The following TECTB variants were observed in gnomAD, a reference collection of about 807,000 sequenced individuals.
The protein encoded by TECTB is beta-tectorin.
Under a neutral mutation model 43.3 loss-of-function variants are expected in TECTB, and 45 were observed. The ratio of observed to expected loss-of-function variants is 1.04; its 90% CI spans 0.82 to 1.33. TECTB has a LOEUF of 1.33. Among genes scored for constraint, TECTB ranks in the 40% most tolerant of loss-of-function variants. TECTB has a pLI of 0.00. For missense variants in TECTB, 399 were observed against 404.7 expected (o/e 0.99, Z 0.12); for synonymous variants, 169 against 156.7 (o/e 1.08, Z -0.59).
At position 112,293,635 on chromosome 10, in the gene TECTB, G is replaced by A. The variant is rs952763181; in HGVS notation, c.484-103G>A. 16 of 965,588 alleles carry A rather than the reference G, an allele frequency of 1.7e-5. No homozygotes were observed. The African/African-American group carries it at 2.3e-4, about 14-fold the overall frequency. The allele number at this position is 965,588 out of a possible 1,614,324, so 59.8% of individuals were successfully genotyped here. A position where few individuals can be genotyped will look rare whatever the true frequency, so the allele number is the denominator to read the frequency against. On this transcript the variant is annotated intron_variant, in intron 5 of 10. Transcript: ENST00000646139. ...TATGGTCTCACCTGCTTATGTCTTTGGGTTGATTCTCATCCCCACCCCATC... is the reference window on the plus strand; with the variant it reads ...TATGGTCTCACCTGCTTATGTCTTTAGGTTGATTCTCATCCCCACCCCATC...
At chr10:112,294,460 C>T (rs1224485035) in intron 7 of TECTB, among the ~76,000 whole-genome samples, 1 of 152,088 alleles carries the variant, frequency 6.6e-6, no homozygotes, top group Non-Finnish European at 1.5e-5. Context: ...TCCAATTAGT[C>T]TGACAACAGA....
intron 9 of TECTB, among the ~76,000 whole-genome samples, chr10:112,301,841 G>T (rs374767411): frequency 2.9e-4 from 44 of 152,214 alleles, no homozygotes; most frequent in African/African-American, 1.0e-3. Context: ...CTCCTGAGTA[G>T]CTGGGATTAC....
chr10:112,291,822 G>C (rs1848501564), intron 5 of TECTB, among the ~76,000 whole-genome samples: 1 of 152,102 alleles, frequency 6.6e-6, no homozygotes. Flanking sequence ...GCCCTTCCAT[G>C]GTAATGCTTT....
At chr10:112,293,688 G>C in intron 5 of TECTB, 50 bp from the exon 6 acceptor site, 3 of 1,544,176 alleles carry the variant, frequency 1.9e-6, no homozygotes, top group Non-Finnish European at 2.7e-6. Flanking sequence ...GGTAGACCTA[G>C]CTGCTCAATC....
At chr10:112,289,937 A>G (rs1211367292) in intron 5 of TECTB, among the ~76,000 whole-genome samples, 2 of 151,956 alleles carry the variant, frequency 1.3e-5, no homozygotes, top group Admixed American at 1.3e-4. Context: ...AGGTGTACTC[A>G]TCCTTAACTT....
In TECTB at chr10:112,297,307, C is replaced by T. The variant is rs574941570; in HGVS notation, c.672-762C>T. Among the ~76,000 whole-genome samples the T allele has an allele frequency of 2.0e-5, 3 of 152,172 alleles. 1 individual carries two copies. Among genetic ancestry groups the T allele is most frequent in the Admixed American group, 1.3e-4 (2 of 15,276 alleles). ...CCCCTGGGGCACAAAGTGGACCAAGCGAGAACCACTAGCTTAAATAAATGC... is the reference window on the plus strand; with the variant it reads ...CCCCTGGGGCACAAAGTGGACCAAGTGAGAACCACTAGCTTAAATAAATGC... On this transcript the variant is annotated intron_variant, in intron 7 of 10. Coordinates refer to ENST00000646139, the MANE Select transcript of TECTB (RefSeq NM_058222.3).
At position 112,283,659 on chromosome 10, in the gene TECTB, C is replaced by T. The variant is rs79841654; in HGVS notation, c.-76C>T. ...TGTTTCTGACTTAGAATGATCGAGG[C>T]TCAGGCCCTGGAAGGACCGTAAACA... On this transcript the variant is annotated 5_prime_UTR_variant, in exon 2 of 11. Coordinates refer to ENST00000646139, the MANE Select transcript of TECTB (RefSeq NM_058222.3). 4,282 of 1,372,766 alleles carry T rather than the reference C, an allele frequency of 3.1e-3. 119 individuals are homozygous for T. The African/African-American group carries it at 0.053, about 17-fold the overall frequency. The allele number at this position is 1,372,766 out of a possible 1,614,324, so 85.0% of individuals were successfully genotyped here.
At chr10:112,291,489 C>T (rs1354739459) in intron 5 of TECTB, among the ~76,000 whole-genome samples, 18 of 152,284 alleles carry the variant, frequency 1.2e-4, no homozygotes. Flanking sequence ...ATGGAATCAA[C>T]CCAAATGCCC....
At chr10:112,285,516 C>T (rs934257908) in intron 3 of TECTB, among the ~76,000 whole-genome samples, 5 of 152,180 alleles carry the variant, frequency 3.3e-5, no homozygotes, top group Non-Finnish European at 5.9e-5. Context: ...TTGAGTATAT[C>T]CTGGTGAACT....
In TECTB at chr10:112,299,561, C is replaced by T. The variant is rs374612200; in HGVS notation, c.904C>T (p.Arg302Trp). The T allele has an allele frequency of 8.3e-5, 131 of 1,584,348 alleles. No homozygotes were observed. The highest frequency in any genetic ancestry group is 1.7e-4 in the Middle Eastern group (1 of 6,030). ...AGTCCTGGTCGTGGAGCTCTCCCTGCGGAGTAAGCGTCTCTGTTTTCCTCT... is the reference window on the plus strand; with the variant it reads ...AGTCCTGGTCGTGGAGCTCTCCCTGTGGAGTAAGCGTCTCTGTTTTCCTCT... ...GGVLVVELSL[R>W]SRGFSSLYSF... The change falls in exon 9 of 11, where the codon CGG becomes TGG. Residue 302 changes from arginine (R) to tryptophan (W), a missense_variant. By Grantham distance (101) the Arg-to-Trp change is moderately radical. Transcript: ENST00000646139.
intron 7 of TECTB, among the ~76,000 whole-genome samples, chr10:112,297,189 A>G (rs876283): frequency 0.3 from 45,933 of 151,938 alleles, 7,583 homozygotes; most frequent in African/African-American, 0.44. Flanking sequence ...TGTGCTGTGC[A>G]CTGTAGGACG....
At chr10:112,303,203 T>G in intron 10 of TECTB, 60 bp from the exon 11 acceptor site, 1 of 1,599,482 alleles carries the variant, frequency 6.3e-7, no homozygotes, top group Non-Finnish European at 8.6e-7. Flanking sequence ...TTCTGTTGAG[T>G]TGGCTTTACC....
Position 112,283,510 on chromosome 10 carries a change from T to G in TECTB, c.-88+14T>G. 1 of 544,294 alleles carries G rather than the reference T, an allele frequency of 1.8e-6. No individual in the cohort carries two copies. Among genetic ancestry groups the G allele is most frequent in the Non-Finnish European group, 3.3e-6 (1 of 307,596 alleles). 33.7% of individuals were successfully genotyped at this position (544,294 alleles called of 1,614,324 possible). ...ACGCTTCCAACGGTATGAGCCCCAC[T>G]TTTTGCCTCTCAGCGCTAACAGGAA... On this transcript the variant is annotated intron_variant, in intron 1 of 10. Transcript: ENST00000646139.
At chr10:112,283,955 C>T (rs1848433972) in intron 2 of TECTB, 145 bp downstream of exon 2, 2 of 819,754 alleles carry the variant, frequency 2.4e-6, no homozygotes, top group South Asian at 2.0e-5. Context: ...CCCTCCAATA[C>T]CAATCAGACT....
chr10:112,285,457 G>A (rs1331808968), intron 3 of TECTB, among the ~76,000 whole-genome samples: 1 of 152,190 alleles, frequency 6.6e-6, no homozygotes, highest in Non-Finnish European at 1.5e-5. Context: ...CAAGGATTCA[G>A]TGATTTAATG....
chr10:112,287,114 T>C (rs1262481400), intron 5 of TECTB, among the ~76,000 whole-genome samples: 1 of 152,156 alleles, frequency 6.6e-6, no homozygotes, highest in Admixed American at 6.5e-5. Flanking sequence ...TCTTAAAATA[T>C]TTGGCCCAAT....
chr10:112,302,265 G>C (rs1247220078), intron 10 of TECTB, 132 bp downstream of exon 10: 3 of 1,072,058 alleles, frequency 2.8e-6, no homozygotes, highest in South Asian at 3.0e-5. Flanking sequence ...AAGCACACCT[G>C]AGTGGCGCAG....
At chr10:112,299,605 T>G (rs1848579743) in intron 9 of TECTB, 41 bp downstream of exon 9, 3 of 1,606,020 alleles carry the variant, frequency 1.9e-6, no homozygotes, top group Non-Finnish European at 2.6e-6. Flanking sequence ...AACGGTTGAG[T>G]TCACGCTGGG....
At chr10:112,286,286 C>T (rs1443350212) in intron 4 of TECTB, 33 bp from the exon 5 acceptor site, 1 of 1,611,850 alleles carries the variant, frequency 6.2e-7, no homozygotes, top group African/African-American at 1.3e-5. Context: ...CAGCGTGTTT[C>T]AGTCCTTATG....
Sources: allele counts gnomAD v4.1 joint callset (sites outside exome capture counted in the v4.1 genomes callset), GRCh38; gene constraint gnomAD v4.1.1; transcripts MANE v1.5; gene names NCBI Gene and HGNC (gene_info 2026-07-23, HGNC 2026-07-21).